The following RUFY2 variants were observed in gnomAD, a reference collection of about 807,000 sequenced individuals.
RUFY2 encodes RUN and FYVE domain-containing protein 2.
RUFY2 carries 49 observed loss-of-function variants against 94.4 expected under a neutral mutation model. The ratio of observed to expected loss-of-function variants is 0.52; its 90% CI spans 0.41 to 0.66. The LOEUF (loss-of-function observed/expected upper bound fraction) is 0.66. Among genes scored for constraint, RUFY2 ranks in the 30% least tolerant of loss-of-function variants. The probability of loss-of-function intolerance (pLI) is 0.00; values close to 1 mark genes in which losing one functional copy is unlikely to be tolerated. For missense variants in RUFY2, 541 were observed against 692.8 expected, an observed-to-expected ratio of 0.78 and a Z score of 2.46; for synonymous variants, 255 against 235.7, an observed-to-expected ratio of 1.08 and a Z score of -0.75.
chr10:68,355,375 T>C lies in RUFY2; in HGVS notation c.1577A>G (p.Lys526Arg). ...SESKLKIEDI[K>R]EANKALQGLV... ...CACCTGCAATGCTTTGTTGGCTTCT[T>C]TTATGTCTTCAATTTTAAGTTTTGA... is the stretch of plus-strand genomic sequence containing the variant. Residue 526 changes from lysine (K) to arginine (R), a missense_variant, in exon 16 of 18, where the codon AAA (lysine) becomes AGA (arginine). By Grantham distance (26) the Lys-to-Arg change is conservative. This residue lies in a region of RUFY2 where 403 missense variants were observed against 480.7 expected (regional missense o/e 0.84). Transcript: ENST00000602465. 1 of 1,611,796 alleles carries C rather than the reference T, an allele frequency of 6.2e-7. No individual in the cohort carries two copies. Among genetic ancestry groups the C allele is most frequent in the Non-Finnish European group, 8.5e-7 (1 of 1,178,226 alleles).
In RUFY2 at chr10:68,381,968, A is replaced by G. The variant is rs183608172; in HGVS notation, c.940-569T>C. On this transcript the variant is annotated intron_variant, in intron 10 of 17. Transcript: ENST00000602465. ...ATCATTTTTATGCTTCATAGATTGA[A>G]TATTAATTTTCCTTAAACAAAAGGA... 2.0e-3 allele frequency among the ~76,000 whole-genome samples: 300 copies of G among 152,338 alleles called. 1 individual carries two copies. Among genetic ancestry groups the G allele is most frequent in the African/African-American group, 7.0e-3 (291 of 41,570 alleles).
chr10:68,349,930 G>A (rs1344376592), intron 16 of RUFY2, among the ~76,000 whole-genome samples: 1 of 152,128 alleles, frequency 6.6e-6, no homozygotes, highest in East Asian at 1.9e-4. Flanking sequence ...CCCACTGAAT[G>A]TTAAAAATAT....
intron 16 of RUFY2, chr10:68,346,366 G>C (rs918385666): frequency 2.3e-5 from 7 of 307,224 alleles, no homozygotes; most frequent in African/African-American, 1.5e-4. Flanking sequence ...TGAGGTGAGA[G>C]GATCGCCTGA....
Position 68,384,044 on chromosome 10 carries a change from T to C in RUFY2, c.822+7A>G, listed in dbSNP as rs765975515. ...AGATTGTCTGCTTGAAAGCAGTCTATACTTACCTCTAGGTGCTGCTGTGTT... is the reference window on the plus strand; with the variant it reads ...AGATTGTCTGCTTGAAAGCAGTCTACACTTACCTCTAGGTGCTGCTGTGTT... On this transcript the variant is annotated splice_region_variant and intron_variant, in intron 9 of 17. Transcript: ENST00000602465. The C allele has an allele frequency of 1.2e-6, 2 of 1,609,874 alleles. No individual in the cohort carries two copies. The highest frequency in any genetic ancestry group is 1.7e-5 in the Admixed American group (1 of 59,778).
intron 8 of RUFY2, among the ~76,000 whole-genome samples, chr10:68,385,688 T>C (rs1198656196): frequency 6.6e-6 from 1 of 152,134 alleles, no homozygotes; most frequent in Non-Finnish European, 1.5e-5. Flanking sequence ...TGTGCCATGG[T>C]GGTTTACTGC....
rs745945698 is a variant in RUFY2 at position 68,384,097 on chromosome 10, C to T, written c.776G>A (p.Arg259Gln). Residue 259 changes from arginine (R) to glutamine (Q), a missense_variant, in exon 9 of 18, where the codon CGA (arginine) becomes CAA (glutamine). This residue lies in a region of RUFY2 where 403 missense variants were observed against 480.7 expected (regional missense o/e 0.84). Transcript: ENST00000602465. ...IKLQEENHQL[R>Q]SENKLILMKT... Reference sequence around the variant, plus strand: ...CATTAAAATCAATTTATTTTCACTTCGTAATTGATGATTTTCTTCCTGGAG... The same window carrying T: ...CATTAAAATCAATTTATTTTCACTTTGTAATTGATGATTTTCTTCCTGGAG... 28 of 1,612,610 alleles carry T rather than the reference C, an allele frequency of 1.7e-5. No individual in the cohort carries two copies. The highest frequency in any genetic ancestry group is 2.2e-5 in the East Asian group (1 of 44,848).
At chr10:68,348,469 A>T (rs1564773482) in intron 16 of RUFY2, among the ~76,000 whole-genome samples, 1 of 151,594 alleles carries the variant, frequency 6.6e-6, no homozygotes, top group Non-Finnish European at 1.5e-5. Context: ...GTGAGCTGTG[A>T]TCATGCCACT....
At chr10:68,406,806 C>G (rs922399772) in intron 1 of RUFY2, 1 of 1,612,656 alleles carries the variant, frequency 6.2e-7, no homozygotes, top group Non-Finnish European at 8.5e-7. Flanking sequence ...CGTCAGGCAC[C>G]CAGGCCAAAA....
intron 13 of RUFY2, among the ~76,000 whole-genome samples, chr10:68,369,803 T>C (rs1454209809): frequency 1.3e-5 from 2 of 152,026 alleles, no homozygotes; most frequent in African/African-American, 2.4e-5. Context: ...CCAGTTTGAC[T>C]CTCGGTACAC....
At chr10:68,380,952 A>G (rs757162102) in intron 11 of RUFY2, among the ~76,000 whole-genome samples, 2 of 152,236 alleles carry the variant, frequency 1.3e-5, no homozygotes, top group Non-Finnish European at 2.9e-5. Flanking sequence ...TGGAAAAGGA[A>G]GTTCACAAAA....
chr10:68,402,039 C>A (rs2133225438), intron 2 of RUFY2, among the ~76,000 whole-genome samples: 1 of 152,142 alleles, frequency 6.6e-6, no homozygotes, highest in Middle Eastern at 3.4e-3. Flanking sequence ...AAAATAAAGG[C>A]TGGTGGCCCT....
At position 68,345,826 on chromosome 10, in the gene RUFY2, C is replaced by G. The variant is rs1295169617; in HGVS notation, c.1763G>C (p.Arg588Pro). 6.2e-7 allele frequency: 1 copy of G among 1,613,912 alleles called. No individual in the cohort carries two copies. The highest frequency in any genetic ancestry group is 8.5e-7 in the Non-Finnish European group (1 of 1,179,856). Residue 588 changes from arginine to proline, a missense_variant, in exon 18 of 18, where the codon CGG becomes CCG. This residue lies in a region of RUFY2 where 403 missense variants were observed against 480.7 expected (regional missense o/e 0.84). Transcript: ENST00000602465. ...LPLPSSPKPVRVCDSCHALLI... is the reference protein window; with the variant it reads ...LPLPSSPKPVPVCDSCHALLI... Reference sequence around the variant, plus strand: ...CAGTGCATGACAGGAATCACAAACCCGTACTGGTTTTGGTGAAGAAGGCAA... The same window carrying G: ...CAGTGCATGACAGGAATCACAAACCGGTACTGGTTTTGGTGAAGAAGGCAA...
chr10:68,376,290 G>A (rs2048629544), intron 13 of RUFY2, among the ~76,000 whole-genome samples: 1 of 148,422 alleles, frequency 6.7e-6, no homozygotes, highest in Non-Finnish European at 1.5e-5. Flanking sequence ...AGCCAGGCGT[G>A]GTGGCAGGCA....
At chr10:68,371,306 C>T (rs936503162) in intron 13 of RUFY2, among the ~76,000 whole-genome samples, 7 of 151,900 alleles carry the variant, frequency 4.6e-5, no homozygotes, top group African/African-American at 1.7e-4. Context: ...CCTATAATCC[C>T]AGCTACTCAG....
At chr10:68,387,917 C>T (rs2049638836) in intron 7 of RUFY2, among the ~76,000 whole-genome samples, 2 of 151,650 alleles carry the variant, frequency 1.3e-5, no homozygotes, top group African/African-American at 2.4e-5. Flanking sequence ...GCAGGAGAAT[C>T]GATTGAACCC....
At chr10:68,367,160 A>T (rs1321299899) in intron 13 of RUFY2, among the ~76,000 whole-genome samples, 6 of 151,972 alleles carry the variant, frequency 3.9e-5, no homozygotes, top group Non-Finnish European at 8.8e-5. Context: ...AAAAAAAAAA[A>T]TAGTGGTATC....
chr10:68,374,928 T>C (rs2048525624), intron 13 of RUFY2, among the ~76,000 whole-genome samples: 1 of 152,198 alleles, frequency 6.6e-6, no homozygotes, highest in Non-Finnish European at 1.5e-5. Flanking sequence ...CTGTATTCTT[T>C]AAAATCTTTT....
intron 15 of RUFY2, 175 bp from the exon 16 acceptor site, chr10:68,355,576 C>A: frequency 2.2e-6 from 1 of 459,366 alleles, no homozygotes; most frequent in Non-Finnish European, 3.8e-6. Context: ...TCTAAATGTC[C>A]TAAAGCAAAA....
intron 3 of RUFY2, among the ~76,000 whole-genome samples, chr10:68,400,102 G>A (rs1564852209): frequency 6.6e-6 from 1 of 152,064 alleles, no homozygotes. Context: ...ATTGAGGACA[G>A]GAGTTCAAGA....
Sources: gnomAD v4.1 joint callset for allele counts (sites outside exome capture counted in the v4.1 genomes callset) on GRCh38, gnomAD v4.1.1 for gene constraint, gnomAD v4.1.1 regional missense constraint, MANE v1.5 for transcripts, NCBI Gene and HGNC (gene_info 2026-07-23, HGNC 2026-07-21) for gene names.